The following PKN2 variants were observed in gnomAD, a reference collection of about 807,000 sequenced individuals.
PKN2 encodes the protein serine/threonine-protein kinase N2.
Under a neutral mutation model 119.1 loss-of-function variants are expected in PKN2, and 38 were observed. The ratio of observed to expected loss-of-function variants is 0.32; its 90% CI spans 0.25 to 0.42. The LOEUF (loss-of-function observed/expected upper bound fraction) is 0.42. PKN2 is among the 10% of genes least tolerant of loss of function. The pLI, the probability that PKN2 is intolerant of heterozygous loss-of-function variation, is 1.00. For missense variants in PKN2, 850 were observed against 1,165.1 expected, an observed-to-expected ratio of 0.73 and a Z score of 3.94; for synonymous variants, 390 against 384.9, an observed-to-expected ratio of 1.01 and a Z score of -0.15.
At position 88,835,487 on chromosome 1, in the gene PKN2, TAAA is replaced by T. The variant is rs1052306223; in HGVS notation, c.*2044_*2046del. On this transcript the variant is annotated 3_prime_UTR_variant, in exon 22 of 22. Coordinates refer to ENST00000370521, the MANE Select transcript of PKN2 (RefSeq NM_006256.4). ...TTTTTTTTTAATTGAAGTCAATCAC[TAAA>T]AAAATTAGAAGGCAGGGTCTATTTA... The T allele has an allele frequency of 3.3e-5, 5 of 152,182 alleles. No individual in the cohort carries two copies. The highest frequency in any genetic ancestry group is 4.8e-5 in the African/African-American group (2 of 41,396). 9.4% of individuals were successfully genotyped at this position (152,182 alleles called of 1,614,324 possible).
chr1:88,796,931 T>G (rs1016293505), intron 8 of PKN2, among the ~76,000 whole-genome samples: 3 of 151,996 alleles, frequency 2.0e-5, no homozygotes, highest in African/African-American at 7.2e-5. Context: ...TCAACCTTTT[T>G]TTTTTTTTTT....
At chr1:88,729,242 A>G (rs1204654089) in intron 1 of PKN2, among the ~76,000 whole-genome samples, 2 of 152,200 alleles carry the variant, frequency 1.3e-5, no homozygotes, top group Non-Finnish European at 2.9e-5. Context: ...ATCCAGTAGG[A>G]GTCCACAGAA....
intron 9 of PKN2, 64 bp from the exon 10 acceptor site, chr1:88,804,782 A>T: frequency 1.1e-6 from 1 of 942,690 alleles, no homozygotes; most frequent in Non-Finnish European, 1.6e-6. Flanking sequence ...TTAAAATTTT[A>T]TAAATTTAGT....
intron 2 of PKN2, among the ~76,000 whole-genome samples, chr1:88,749,431 A>G (rs907301059): frequency 6.6e-6 from 1 of 152,008 alleles, no homozygotes; most frequent in Non-Finnish European, 1.5e-5. Context: ...AATTATTCTA[A>G]CTCACAGTGT....
chr1:88,724,583 T>TG (rs1459788902), intron 1 of PKN2, among the ~76,000 whole-genome samples: 1 of 151,936 alleles, frequency 6.6e-6, no homozygotes, highest in African/African-American at 2.4e-5. Flanking sequence ...CTCTTTTTTT[T>TG]TTTTTTGAGA....
intron 19 of PKN2, among the ~76,000 whole-genome samples, chr1:88,831,855 A>G (rs1387199384): frequency 6.6e-6 from 1 of 152,034 alleles, no homozygotes; most frequent in Non-Finnish European, 1.5e-5. Context: ...TTCCTGATTT[A>G]AAAAATGACT....
chr1:88,718,734 A>G (rs766321995), intron 1 of PKN2, among the ~76,000 whole-genome samples: 4 of 152,150 alleles, frequency 2.6e-5, no homozygotes, highest in Non-Finnish European at 5.9e-5. Context: ...CCTTCAGGGA[A>G]TTCTGCAGCC....
intron 2 of PKN2, among the ~76,000 whole-genome samples, chr1:88,752,013 G>T (rs1034908465): frequency 6.6e-6 from 1 of 152,072 alleles, no homozygotes; most frequent in Admixed American, 6.6e-5. Flanking sequence ...TAATGGCGTA[G>T]ATTTCGTTTC....
At chr1:88,795,392 T>C (rs1041019299) in intron 8 of PKN2, among the ~76,000 whole-genome samples, 2 of 152,208 alleles carry the variant, frequency 1.3e-5, no homozygotes, top group African/African-American at 4.8e-5. Flanking sequence ...ATTCCTCCCA[T>C]TAAAAATTTT....
chr1:88,807,505 A>C, intron 13 of PKN2, 24 bp from the exon 14 acceptor site: 1 of 1,603,410 alleles, frequency 6.2e-7, no homozygotes, highest in Non-Finnish European at 8.5e-7. Context: ...TTGTCTTATT[A>C]TTAATTGAAA....
intron 6 of PKN2, 72 bp downstream of exon 6, chr1:88,771,951 GA>G: frequency 2.1e-6 from 2 of 969,960 alleles, no homozygotes; most frequent in Middle Eastern, 2.5e-4. Flanking sequence ...ATAATTGAAA[GA>G]AAAACCTGTG....
chr1:88,687,903 A>G (rs796207833), intron 1 of PKN2, among the ~76,000 whole-genome samples: 4 of 152,216 alleles, frequency 2.6e-5, no homozygotes, highest in South Asian at 4.1e-4. Flanking sequence ...ATTATTTGCT[A>G]TATATCAGAC....
chr1:88,822,151 G>A (rs1230395045), intron 17 of PKN2, 148 bp downstream of exon 17: 12 of 695,724 alleles, frequency 1.7e-5, no homozygotes, highest in East Asian at 6.6e-5. Context: ...GTTGAAAGAC[G>A]TGGTTAGCAC....
At chr1:88,700,023 T>G (rs980190016) in intron 1 of PKN2, among the ~76,000 whole-genome samples, 8 of 152,116 alleles carry the variant, frequency 5.3e-5, no homozygotes, top group African/African-American at 1.9e-4. Context: ...CCTCAGGTGA[T>G]CCACCCACCT....
At chr1:88,754,402 A>T (rs780163408) in intron 2 of PKN2, among the ~76,000 whole-genome samples, 1 of 152,208 alleles carries the variant, frequency 6.6e-6, no homozygotes, top group Non-Finnish European at 1.5e-5. Context: ...GGAAAAACAG[A>T]TGTGAAAACA....
chr1:88,798,660 A>C (rs1245218986), intron 8 of PKN2, among the ~76,000 whole-genome samples: 1 of 152,222 alleles, frequency 6.6e-6, no homozygotes, highest in African/African-American at 2.4e-5. Context: ...TATGAAAGAA[A>C]GATTAAGAGA....
chr1:88,765,674 C>A (rs1053982971), intron 3 of PKN2, among the ~76,000 whole-genome samples: 1 of 152,138 alleles, frequency 6.6e-6, no homozygotes, highest in Non-Finnish European at 1.5e-5. Flanking sequence ...TTGTTGTCGT[C>A]GTCGTCGTTA....
chr1:88,815,799 T>C (rs1671963317), intron 16 of PKN2, among the ~76,000 whole-genome samples: 2 of 152,260 alleles, frequency 1.3e-5, no homozygotes, highest in Non-Finnish European at 2.9e-5. Context: ...CAATAAAATA[T>C]GTATTTTAGA....
At chr1:88,751,990 T>C (rs1669019649) in intron 2 of PKN2, among the ~76,000 whole-genome samples, 1 of 152,158 alleles carries the variant, frequency 6.6e-6, no homozygotes, top group Non-Finnish European at 1.5e-5. Flanking sequence ...TTCAGTGTTC[T>C]GGACTTGGAG....
Sources: gnomAD v4.1 joint callset for allele counts (sites outside exome capture counted in the v4.1 genomes callset) on GRCh38, gnomAD v4.1.1 for gene constraint, MANE v1.5 for transcripts, NCBI Gene and HGNC (gene_info 2026-07-23, HGNC 2026-07-21) for gene names.